The following COG5 variants were observed in gnomAD, a reference collection of about 807,000 sequenced individuals.
COG5 encodes conserved oligomeric Golgi complex subunit 5.
In COG5, 86 loss-of-function variants were observed where a neutral mutation model predicts 110.4. That is an observed-to-expected ratio of 0.78 (90% CI 0.65 to 0.93). COG5 has a LOEUF of 0.93. Among genes scored for constraint, COG5 ranks in the 40% least tolerant of loss-of-function variants. The pLI is 0.00. For missense variants in COG5, 1,077 were observed against 987.0 expected, an observed-to-expected ratio of 1.09 and a Z score of -1.22; for synonymous variants, 360 against 334.6, an observed-to-expected ratio of 1.08 and a Z score of -0.83.
chr7:107,484,999 C>T (rs928481346), intron 6 of COG5, among the ~76,000 whole-genome samples: 3 of 151,618 alleles, frequency 2.0e-5, no homozygotes, highest in South Asian at 2.1e-4. Flanking sequence ...CAGTTACCTT[C>T]TCCTTCCCTT....
At chr7:107,476,783 T>C (rs1797023131) in intron 6 of COG5, among the ~76,000 whole-genome samples, 1 of 151,708 alleles carries the variant, frequency 6.6e-6, no homozygotes, top group Non-Finnish European at 1.5e-5. Flanking sequence ...CAAGTAGCAA[T>C]TCATTTTTAA....
chr7:107,309,379 T>C (rs912934064), intron 11 of COG5, among the ~76,000 whole-genome samples: 1 of 152,166 alleles, frequency 6.6e-6, no homozygotes, highest in African/African-American at 2.4e-5. Context: ...ATAAAGACTT[T>C]AAATATTTAA....
intron 14 of COG5, among the ~76,000 whole-genome samples, chr7:107,265,348 T>G (rs1384877728): frequency 1.3e-5 from 2 of 152,258 alleles, no homozygotes; most frequent in African/African-American, 4.8e-5. Flanking sequence ...GGCATGATCA[T>G]GATTCACTGC....
chr7:107,207,231 CAG>C (rs1296100046), intron 21 of COG5, among the ~76,000 whole-genome samples: 1 of 152,232 alleles, frequency 6.6e-6, no homozygotes, highest in Non-Finnish European at 1.5e-5. Context: ...CGTCCTATTT[CAG>C]ACACTCCATT....
At chr7:107,250,033 C>T (rs1802374663) in intron 16 of COG5, among the ~76,000 whole-genome samples, 2 of 151,870 alleles carry the variant, frequency 1.3e-5, no homozygotes, top group South Asian at 4.2e-4. Flanking sequence ...AGGAATTTAT[C>T]CTAAAGGTAC....
chr7:107,402,856 T>C (rs936619350), intron 7 of COG5, among the ~76,000 whole-genome samples: 3 of 152,108 alleles, frequency 2.0e-5, no homozygotes, highest in Non-Finnish European at 4.4e-5. Context: ...CCAAAGAAAA[T>C]GGTAGTGATA....
chr7:107,561,590 G>C (rs1485237857), intron 1 of COG5, among the ~76,000 whole-genome samples: 1 of 152,210 alleles, frequency 6.6e-6, no homozygotes, highest in African/African-American at 2.4e-5. Flanking sequence ...ACCTTGCAAA[G>C]TTACTTCAAT....
chr7:107,274,716 G>A (rs1804559818), intron 14 of COG5, among the ~76,000 whole-genome samples: 1 of 152,184 alleles, frequency 6.6e-6, no homozygotes, highest in South Asian at 2.1e-4. Flanking sequence ...TGTCACCCAC[G>A]CCAACAGCGG....
chr7:107,470,232 T>C (rs759960798), intron 6 of COG5: 40 of 152,256 alleles, frequency 2.6e-4, no homozygotes, highest in Non-Finnish European at 5.0e-4. Context: ...AGTGAGAGAC[T>C]GCAGCAGCCT....
At chr7:107,385,988 T>TTGTGTGTGTG (rs59992824) in intron 7 of COG5, among the ~76,000 whole-genome samples, 13 of 144,734 alleles carry the variant, frequency 9.0e-5, no homozygotes, top group African/African-American at 2.8e-4. Flanking sequence ...AAACCAGGTT[T>TTGTGTGTGTG]TGTGTGTGTG....
chr7:107,463,863 C>G (rs1433618970), intron 6 of COG5, among the ~76,000 whole-genome samples: 1 of 152,134 alleles, frequency 6.6e-6, no homozygotes, highest in Non-Finnish European at 1.5e-5. Context: ...GTGCTTGGGC[C>G]TAGGGGTCTC....
At chr7:107,358,444 C>T (rs1330896267) in intron 10 of COG5, among the ~76,000 whole-genome samples, 1 of 152,168 alleles carries the variant, frequency 6.6e-6, no homozygotes, top group African/African-American at 2.4e-5. Flanking sequence ...CTCATTGTTT[C>T]TTTCACACAA....
At chr7:107,234,127 G>A (rs536380711) in intron 18 of COG5, among the ~76,000 whole-genome samples, 5 of 152,066 alleles carry the variant, frequency 3.3e-5, no homozygotes, top group Non-Finnish European at 7.4e-5. Flanking sequence ...TTTGAAACTG[G>A]GACACACTGT....
chr7:107,328,882 G>A (rs1810002312), intron 10 of COG5, among the ~76,000 whole-genome samples: 1 of 152,124 alleles, frequency 6.6e-6, no homozygotes, highest in Non-Finnish European at 1.5e-5. Context: ...GTGCAGTGGT[G>A]TGATCTTGGC....
chr7:107,298,301 A>G lies in COG5; in HGVS notation c.1154T>C (p.Leu385Ser), dbSNP rs1225149643. The change falls in exon 12 of 22, where the codon TTA becomes TCA. Residue 385 changes from leucine to serine, a missense_variant. Transcript: ENST00000297135. ...KQAFEGEYPK[L>S]LRLYNDLWKR... ...CCATAAGTCATTATAAAGACGTAATAATTTAGGGTATTCTCCTTCAAATGC... is the reference window on the plus strand; with the variant it reads ...CCATAAGTCATTATAAAGACGTAATGATTTAGGGTATTCTCCTTCAAATGC... The G allele has an allele frequency of 1.2e-6, 2 of 1,613,736 alleles. No homozygotes were observed. Among genetic ancestry groups the G allele is most frequent in the Admixed American group, 1.7e-5 (1 of 60,018 alleles).
At chr7:107,345,181 G>A (rs1276343620) in intron 10 of COG5, among the ~76,000 whole-genome samples, 3 of 152,114 alleles carry the variant, frequency 2.0e-5, no homozygotes, top group African/African-American at 7.2e-5. Flanking sequence ...TACTGATTCA[G>A]TCTGCCATCT....
chr7:107,284,470 G>A (rs567878899), intron 12 of COG5, among the ~76,000 whole-genome samples: 1 of 152,278 alleles, frequency 6.6e-6, no homozygotes, highest in Non-Finnish European at 1.5e-5. Context: ...TGCCTCCCCA[G>A]TAAAGCTCAC....
intron 8 of COG5, among the ~76,000 whole-genome samples, chr7:107,369,681 G>A (rs562576129): frequency 1.2e-4 from 18 of 152,168 alleles, no homozygotes; most frequent in African/African-American, 3.6e-4. Context: ...GAGCCAACAC[G>A]CCGGCCAGGT....
chr7:107,295,038 TACAC>T (rs1249923848), intron 12 of COG5, among the ~76,000 whole-genome samples: 538 of 53,120 alleles, frequency 0.01, 6 homozygotes, highest in Non-Finnish European at 0.014. Flanking sequence ...CACACACATA[TACAC>T]ACACACACAC....
Sources: allele counts gnomAD v4.1 joint callset (sites outside exome capture counted in the v4.1 genomes callset), GRCh38; gene constraint gnomAD v4.1.1; transcripts MANE v1.5; gene names NCBI Gene and HGNC (gene_info 2026-07-23, HGNC 2026-07-21).